The following USP54 variants were observed in gnomAD, a reference collection of about 807,000 sequenced individuals.
USP54 encodes ubiquitin specific peptidase 54.
In USP54, 87 loss-of-function variants were observed where a neutral mutation model predicts 170.5. That is an observed-to-expected ratio of 0.51 (90% confidence interval 0.43 to 0.61). The LOEUF (loss-of-function observed/expected upper bound fraction) is 0.61, where lower values mean the gene tolerates loss of function less well. Among genes scored for constraint, USP54 ranks in the 20% least tolerant of loss-of-function variants. The probability of loss-of-function intolerance (pLI) is 0.00; values close to 1 mark genes in which losing one functional copy is unlikely to be tolerated. For missense variants in USP54, 1,786 were observed against 2,047.8 expected (o/e 0.87, Z 2.47); for synonymous variants, 655 against 742.8 (o/e 0.88, Z 1.92).
intron 12 of USP54, among the ~76,000 whole-genome samples, chr10:73,532,475 G>T (rs1040008449): frequency 6.6e-6 from 1 of 151,890 alleles, no homozygotes; most frequent in Non-Finnish European, 1.5e-5. Flanking sequence ...GTGCCCGGCC[G>T]CAACTAAGTC....
intron 1 of USP54, among the ~76,000 whole-genome samples, chr10:73,602,274 C>T (rs963551232): frequency 8.5e-5 from 13 of 152,186 alleles, no homozygotes; most frequent in South Asian, 4.1e-4. Flanking sequence ...GTATAATAGC[C>T]GGGCACGGTG....
Position 73,516,799 on chromosome 10 carries a change from G to C in USP54, c.3627C>G (p.Ala1209=), listed in dbSNP as rs753437919. ...WEESTEHSSL[A]LNSGLPNGET... ...CACCATTAGGCAGCCCAGAGTTTAA[G>C]GCAAGAGAAGAATGTTCAGTGGACT... The change falls in exon 20 of 24, where the codon GCC becomes GCG. Residue 1209 remains alanine, a synonymous_variant. Transcript: ENST00000687698. 3.6e-5 allele frequency: 58 copies of C among 1,614,064 alleles called. No homozygotes were observed. The highest frequency in any genetic ancestry group is 4.7e-5 in the Non-Finnish European group (55 of 1,180,050).
At chr10:73,517,823 A>G (rs1301893043) in intron 19 of USP54, 76 bp from the exon 20 acceptor site, 16 of 1,485,214 alleles carry the variant, frequency 1.1e-5, no homozygotes, top group Non-Finnish European at 1.5e-5. Context: ...TCAACATTCC[A>G]TTCCCATTTC....
At chr10:73,574,634 G>A (rs971169630) in intron 3 of USP54, among the ~76,000 whole-genome samples, 3 of 151,862 alleles carry the variant, frequency 2.0e-5, no homozygotes, top group South Asian at 2.1e-4. Flanking sequence ...AAAATTAGCC[G>A]GGTGTGGTGA....
At position 73,519,968 on chromosome 10, in the gene USP54, C is replaced by T; in HGVS notation, c.2507G>A (p.Gly836Asp). 6.2e-7 allele frequency: 1 copy of T among 1,610,812 alleles called. No homozygotes were observed. Among genetic ancestry groups the T allele is most frequent in the Non-Finnish European group, 8.5e-7 (1 of 1,178,544 alleles). ...AISKLRLALH[G>D]ASCSTHSRAL... ...TCTGCTGTGCGTGCTACAGCTGGCACCATGCAGGGCAAGTCTTAGTTTAGC... is the reference window on the plus strand; with the variant it reads ...TCTGCTGTGCGTGCTACAGCTGGCATCATGCAGGGCAAGTCTTAGTTTAGC... Residue 836 changes from glycine (G) to aspartate (D), a missense_variant, in exon 19 of 24, where the codon GGT becomes GAT. This residue lies in a region of USP54 where 1,418 missense variants were observed against 1,569.0 expected (regional missense o/e 0.90). Coordinates refer to ENST00000687698, the MANE Select transcript of USP54 (RefSeq NM_001391956.1).
At chr10:73,587,997 TA>T (rs2077722746) in intron 1 of USP54, among the ~76,000 whole-genome samples, 1 of 152,174 alleles carries the variant, frequency 6.6e-6, no homozygotes, top group South Asian at 2.1e-4. Context: ...AGGAATTCCA[TA>T]AAGAGTAACT....
chr10:73,591,861 G>C (rs1377489514), upstream of USP54, among the ~76,000 whole-genome samples: 2 of 152,130 alleles, frequency 1.3e-5, no homozygotes, highest in African/African-American at 4.8e-5. Flanking sequence ...AGAATTCCAA[G>C]ACTGGGCTTA....
chr10:73,522,933 A>C (rs2062142063), intron 17 of USP54, among the ~76,000 whole-genome samples: 1 of 152,212 alleles, frequency 6.6e-6, no homozygotes, highest in Admixed American at 6.5e-5. Context: ...AAAACAATAA[A>C]GTCATTTTAT....
chr10:73,617,231 G>C (rs1032007287), intron 1 of USP54, among the ~76,000 whole-genome samples: 3 of 150,538 alleles, frequency 2.0e-5, no homozygotes, highest in African/African-American at 7.5e-5. Flanking sequence ...AGGAGGTGGA[G>C]GTTGCGGTGA....
At chr10:73,545,807 G>C in intron 4 of USP54, 135 bp from the exon 5 acceptor site, 1 of 945,490 alleles carries the variant, frequency 1.1e-6, no homozygotes, top group Non-Finnish European at 1.5e-6. Flanking sequence ...TGACATGCTT[G>C]CAGTTAGTAA....
At chr10:73,530,949 A>T in intron 12 of USP54, 114 bp from the exon 13 acceptor site, 2 of 1,437,616 alleles carry the variant, frequency 1.4e-6, no homozygotes, top group Non-Finnish European at 1.9e-6. Flanking sequence ...CCCATGGAAC[A>T]GAAGCTGTAG....
At chr10:73,557,878 CTTTTTTTT>C (rs765656681) in intron 4 of USP54, among the ~76,000 whole-genome samples, 1 of 114,988 alleles carries the variant, frequency 8.7e-6, no homozygotes, top group Admixed American at 9.2e-5. Flanking sequence ...AGCTATTATT[CTTTTTTTT>C]TTTTTTTTTT....
intron 20 of USP54, among the ~76,000 whole-genome samples, chr10:73,508,404 A>G (rs1051313280): frequency 3.1e-5 from 4 of 127,756 alleles, no homozygotes; most frequent in Non-Finnish European, 4.7e-5. Flanking sequence ...GAGAATCCAG[A>G]AAAAAAAAAA....
At chr10:73,545,888 G>A (rs992269738) in intron 4 of USP54, among the ~76,000 whole-genome samples, 7 of 152,176 alleles carry the variant, frequency 4.6e-5, no homozygotes, top group Non-Finnish European at 8.8e-5. Context: ...TCCTTCATCT[G>A]AGTGTGATGC....
chr10:73,536,576 T>C, intron 10 of USP54, 139 bp from the exon 11 acceptor site: 1 of 973,798 alleles, frequency 1.0e-6, no homozygotes, highest in Middle Eastern at 2.3e-4. Context: ...GCAAAAAAGA[T>C]CTCAGACCTA....
chr10:73,517,866 C>G (rs1397213302), intron 19 of USP54, 119 bp from the exon 20 acceptor site: 1 of 1,302,670 alleles, frequency 7.7e-7, no homozygotes, highest in Non-Finnish European at 1.0e-6. Context: ...TAAAAATAAA[C>G]AGAAAGACAA....
intron 4 of USP54, among the ~76,000 whole-genome samples, chr10:73,560,328 C>G (rs1354514343): frequency 6.6e-6 from 1 of 151,874 alleles, no homozygotes; most frequent in African/African-American, 2.4e-5. Context: ...ATATTTCACC[C>G]TTCCCTTACC....
intron 1 of USP54, among the ~76,000 whole-genome samples, chr10:73,586,627 C>A (rs2077516330): frequency 6.6e-6 from 1 of 152,214 alleles, no homozygotes; most frequent in Admixed American, 6.5e-5. Context: ...TTCTGACTCT[C>A]CTTAAAGAAA....
intron 4 of USP54, among the ~76,000 whole-genome samples, chr10:73,561,052 C>T (rs372275119): frequency 3.4e-5 from 5 of 146,486 alleles, no homozygotes; most frequent in African/African-American, 1.0e-4. Flanking sequence ...TTGCAGTGAG[C>T]CGAGATCATG....
Sources: allele counts gnomAD v4.1 joint callset (sites outside exome capture counted in the v4.1 genomes callset), GRCh38; gene constraint gnomAD v4.1.1; regional missense constraint gnomAD v4.1.1; transcripts MANE v1.5; gene names NCBI Gene and HGNC (gene_info 2026-07-23, HGNC 2026-07-21).